Variants in PDE7B observed in about 807,000 individuals in gnomAD.
PDE7B encodes the protein 3',5'-cyclic-AMP phosphodiesterase 7B.
Under a neutral mutation model 56.2 loss-of-function variants are expected in PDE7B, and 29 were observed. The observed-to-expected ratio is 0.52, with a 90% CI of 0.38 to 0.70. The LOEUF (loss-of-function observed/expected upper bound fraction) is 0.70, where lower values mean the gene tolerates loss of function less well. Among genes scored for constraint, PDE7B ranks in the 30% least tolerant of loss-of-function variants. The pLI is 0.00. For synonymous variants in PDE7B, 197 were observed against 196.9 expected (o/e 1.00, Z 0.00); for missense variants, 490 against 565.0 (o/e 0.87, Z 1.35).
chr6:136,033,171 G>A (rs961257582), intron 2 of PDE7B, among the ~76,000 whole-genome samples: 4 of 152,222 alleles, frequency 2.6e-5, no homozygotes, highest in African/African-American at 4.8e-5. Context: ...GGACAGAATA[G>A]GAGGCTGTAT....
intron 2 of PDE7B, among the ~76,000 whole-genome samples, chr6:136,051,216 G>A (rs1233531235): frequency 6.6e-6 from 1 of 152,058 alleles, no homozygotes; most frequent in African/African-American, 2.4e-5. Flanking sequence ...AGCTGAGGCA[G>A]AAACAGTGAA....
At chr6:135,869,492 A>G (rs1775332544) in intron 1 of PDE7B, among the ~76,000 whole-genome samples, 1 of 152,128 alleles carries the variant, frequency 6.6e-6, no homozygotes. Context: ...TATTCATTCA[A>G]CCATCAGGTA....
intron 1 of PDE7B, among the ~76,000 whole-genome samples, chr6:135,909,771 A>G (rs879765731): frequency 3.9e-5 from 6 of 152,246 alleles, no homozygotes; most frequent in Admixed American, 3.9e-4. Flanking sequence ...GTGTCTACGC[A>G]AAAGTGGCCT....
intron 2 of PDE7B, among the ~76,000 whole-genome samples, chr6:136,092,216 A>G (rs370953211): frequency 6.6e-6 from 1 of 152,222 alleles, no homozygotes; most frequent in Non-Finnish European, 1.5e-5. Context: ...TTTTCAGTAT[A>G]TATGTAATAG....
At position 136,067,014 on chromosome 6, in the gene PDE7B, C is replaced by T. The variant is rs923795555; in HGVS notation, c.83-41717C>T. Among the ~76,000 whole-genome samples the T allele has an allele frequency of 5.9e-5, 9 of 152,076 alleles. 1 individual carries two copies. The highest frequency in any genetic ancestry group is 5.2e-4 in the Admixed American group (8 of 15,278). On this transcript the variant is annotated intron_variant, in intron 2 of 12. Coordinates refer to ENST00000308191, the MANE Select transcript of PDE7B (RefSeq NM_018945.4). ...GGAACCACAGGTGTATGCGACCACA[C>T]CCAGCTAATTTAATATTTTTTATAG...
intron 2 of PDE7B, among the ~76,000 whole-genome samples, chr6:135,997,413 C>CAAA (rs59388049): frequency 9.3e-5 from 1 of 10,706 alleles, no homozygotes; most frequent in African/African-American, 2.0e-4. Context: ...GACCCTGTCT[C>CAAA]AAAAAAAAAA....
intron 1 of PDE7B, among the ~76,000 whole-genome samples, chr6:135,908,961 C>T (rs1377165516): frequency 6.6e-6 from 1 of 152,128 alleles, no homozygotes; most frequent in Non-Finnish European, 1.5e-5. Context: ...TTGCCTTTTT[C>T]AATTATTATA....
At chr6:136,053,131 C>T (rs1443925087) in intron 2 of PDE7B, among the ~76,000 whole-genome samples, 6 of 152,046 alleles carry the variant, frequency 3.9e-5, no homozygotes, top group African/African-American at 1.4e-4. Context: ...CATATGTATA[C>T]ATGTGCCACG....
At chr6:136,078,263 G>A (rs1014835934) in intron 2 of PDE7B, among the ~76,000 whole-genome samples, 1 of 152,212 alleles carries the variant, frequency 6.6e-6, no homozygotes, top group Non-Finnish European at 1.5e-5. Context: ...AGAGCTGAAT[G>A]TGAGCTACAC....
At chr6:135,999,049 A>C (rs987145882) in intron 2 of PDE7B, among the ~76,000 whole-genome samples, 1 of 152,160 alleles carries the variant, frequency 6.6e-6, no homozygotes, top group African/African-American at 2.4e-5. Flanking sequence ...TTTCTCTGCC[A>C]CAGACTCCTA....
At position 136,058,394 on chromosome 6, in the gene PDE7B, C is replaced by G. The variant is rs114705996; in HGVS notation, c.83-50337C>G. Among the ~76,000 whole-genome samples, 606 of 152,278 alleles carry G rather than the reference C, an allele frequency of 4.0e-3. 4 individuals are homozygous for G. The highest frequency in any genetic ancestry group is 0.014 in the African/African-American group (580 of 41,540). The stretch of plus-strand genomic sequence containing the variant: ...ATGTCCAAAGGAGGCTGAAAATATT[C>G]AGAATTCCCAGCATGCTCACTGGAC... On this transcript the variant is annotated intron_variant, in intron 2 of 12. Transcript: ENST00000308191.
At chr6:135,961,805 T>C (rs1427207478) in intron 2 of PDE7B, among the ~76,000 whole-genome samples, 3 of 152,192 alleles carry the variant, frequency 2.0e-5, no homozygotes, top group Admixed American at 2.0e-4. Context: ...AATATACAAC[T>C]AACTATATTT....
rs761829309 is a variant in PDE7B, at chr6:136,154,169, G to C, written c.573G>C (p.Glu191Asp). 3 of 1,610,424 alleles carry C rather than the reference G, an allele frequency of 1.9e-6. No homozygotes were observed. The change falls in exon 7 of 13, where the codon GAG (glutamate) becomes GAC (aspartate). Residue 191 changes from glutamate to aspartate, a missense_variant. Coordinates refer to ENST00000308191, the MANE Select transcript of PDE7B (RefSeq NM_018945.4). ...AGGCCATGCACTGCTACCTGAAAGA[G>C]CCAAAGGTAAGACAAGACCCAGCTG... Reference protein sequence around the residue: ...VTQAMHCYLKEPKLASFLTPL... With the variant: ...VTQAMHCYLKDPKLASFLTPL...
intron 2 of PDE7B, among the ~76,000 whole-genome samples, chr6:136,016,360 CTGAT>C (rs1025456033): frequency 4.6e-5 from 7 of 152,172 alleles, no homozygotes; most frequent in Non-Finnish European, 1.0e-4. Flanking sequence ...CTTCAGCAGA[CTGAT>C]TGTGTGAAGT....
intron 3 of PDE7B, 41 bp from the exon 4 acceptor site, chr6:136,147,310 T>TG: frequency 6.7e-7 from 1 of 1,484,158 alleles, no homozygotes; most frequent in Non-Finnish European, 9.3e-7. Flanking sequence ...ATTGGCTCTC[T>TG]TTTAAATATA....
intron 3 of PDE7B, among the ~76,000 whole-genome samples, chr6:136,121,585 T>C (rs1777934711): frequency 6.6e-6 from 1 of 152,140 alleles, no homozygotes; most frequent in African/African-American, 2.4e-5. Flanking sequence ...TACCAGGCCA[T>C]AAGTGCTAAA....
chr6:136,048,650 C>T (rs1776564233), intron 2 of PDE7B, among the ~76,000 whole-genome samples: 1 of 152,140 alleles, frequency 6.6e-6, no homozygotes, highest in Admixed American at 6.5e-5. Flanking sequence ...GATAAGAAAA[C>T]TTCAGACAAT....
At chr6:136,015,878 G>C (rs924984761) in intron 2 of PDE7B, among the ~76,000 whole-genome samples, 1 of 152,140 alleles carries the variant, frequency 6.6e-6, no homozygotes, top group African/African-American at 2.4e-5. Context: ...TTGAAAAAAA[G>C]TAATTTAGCC....
intron 12 of PDE7B, among the ~76,000 whole-genome samples, chr6:136,187,735 G>A (rs774732630): frequency 9.9e-5 from 15 of 152,202 alleles, no homozygotes; most frequent in Non-Finnish European, 1.9e-4. Flanking sequence ...ATTAAGTTAT[G>A]CATTAGACCA....
Sources: allele counts gnomAD v4.1 joint callset (sites outside exome capture counted in the v4.1 genomes callset), GRCh38; gene constraint gnomAD v4.1.1; transcripts MANE v1.5; gene names NCBI Gene and HGNC (gene_info 2026-07-23, HGNC 2026-07-21).